Variants in ARHGEF7 observed in about 807,000 individuals in gnomAD.
ARHGEF7 encodes PAK-interacting exchange factor beta.
ARHGEF7 carries 33 observed loss-of-function variants against 109.8 expected under a neutral mutation model. The observed-to-expected ratio is 0.30, with a 90% CI of 0.23 to 0.40. The LOEUF is 0.40. ARHGEF7 is among the 10% of genes least tolerant of loss of function. The pLI is 1.00. For missense variants in ARHGEF7, 938 were observed against 1,098.5 expected (o/e 0.85, Z 2.07); for synonymous variants, 458 against 424.6 (o/e 1.08, Z -0.97).
chr13:111,155,163 C>G (rs372678952), intron 2 of ARHGEF7, among the ~76,000 whole-genome samples: 3 of 152,216 alleles, frequency 2.0e-5, no homozygotes, highest in African/African-American at 7.2e-5. Context: ...TGGTATCCAC[C>G]GGGATCCTGG....
chr13:111,129,938 A>G (rs2074654704), intron 1 of ARHGEF7, among the ~76,000 whole-genome samples: 1 of 152,222 alleles, frequency 6.6e-6, no homozygotes, highest in East Asian at 1.9e-4. Context: ...TGTTCATAAC[A>G]GCTGTATTTT....
chr13:111,170,415 G>C (rs972804396), intron 2 of ARHGEF7, among the ~76,000 whole-genome samples: 3 of 152,202 alleles, frequency 2.0e-5, no homozygotes, highest in African/African-American at 7.2e-5. Context: ...TCAATCTTCT[G>C]AGGAAGACCA....
At chr13:111,251,311 T>C (rs2089735901) in intron 8 of ARHGEF7, among the ~76,000 whole-genome samples, 2 of 152,186 alleles carry the variant, frequency 1.3e-5, no homozygotes, top group African/African-American at 4.8e-5. Flanking sequence ...TGGCTGTGGC[T>C]GGAGCCTGTG....
chr13:111,184,843 T>C (rs2079089364), intron 2 of ARHGEF7: 1 of 152,760 alleles, frequency 6.5e-6, no homozygotes, highest in Non-Finnish European at 1.5e-5. Context: ...GTTGTGTGTC[T>C]GGGAGCAGGT....
rs199873067 is a variant in ARHGEF7 at position 111,249,447 on chromosome 13, A to AG, written c.950+5157dup. 9.4e-3 allele frequency among the ~76,000 whole-genome samples: 1,435 copies of AG among 151,858 alleles called. 18 individuals carry two copies. The highest frequency in any genetic ancestry group is 0.032 in the African/African-American group (1,341 of 41,382). On this transcript the variant is annotated intron_variant, in intron 8 of 21. Coordinates refer to ENST00000646102, the MANE Select transcript of ARHGEF7 (RefSeq NM_001354046.2). Reference sequence around the variant, plus strand: ...ATTTAAAGGGGAAAGAACAAGCAGGAGGGGAAAAAAGGGAGGCTGGGGAGC... The same window carrying AG: ...ATTTAAAGGGGAAAGAACAAGCAGGAGGGGGAAAAAAGGGAGGCTGGGGAGC...
At chr13:111,247,106 G>A (rs1356815059) in intron 8 of ARHGEF7, among the ~76,000 whole-genome samples, 2 of 152,122 alleles carry the variant, frequency 1.3e-5, no homozygotes, top group Admixed American at 1.3e-4. Context: ...TGTACTAGAC[G>A]AAGTTTTCTT....
intron 1 of ARHGEF7, among the ~76,000 whole-genome samples, chr13:111,127,648 G>GAAAAAAAAAAAA (rs71206956): frequency 2.5e-5 from 1 of 40,042 alleles, no homozygotes; most frequent in Non-Finnish European, 5.0e-5. Flanking sequence ...CTCTGTTTCA[G>GAAAAAAAAAAAA]AAAAAAAAAA....
In ARHGEF7 at chr13:111,233,172, G is replaced by C. The variant is rs932541007; in HGVS notation, c.671-33G>C. The C allele has an allele frequency of 4.5e-6, 7 of 1,562,114 alleles. No homozygotes were observed. The African/African-American group carries it at 5.4e-5, about 12-fold the overall frequency. The stretch of plus-strand genomic sequence containing the variant: ...TGGAACTTTTGTCATCTTTAGTACT[G>C]ATCAGTAAAACTATGTTACATTTTC... On this transcript the variant is annotated intron_variant, in intron 5 of 21. Transcript: ENST00000646102.
At chr13:111,153,703 C>T (rs1456675130) in intron 1 of ARHGEF7, 6 of 1,315,378 alleles carry the variant, frequency 4.6e-6, no homozygotes, top group Non-Finnish European at 5.8e-6. Flanking sequence ...TTGGTGCAGC[C>T]CCGGAGGAAG....
In ARHGEF7 at chr13:111,279,032, G is replaced by C. The variant is rs910038381; in HGVS notation, c.1507-1240G>C. Among the ~76,000 whole-genome samples the C allele has an allele frequency of 3.3e-5, 5 of 152,178 alleles. No homozygotes were observed. In the East Asian group the frequency reaches 9.6e-4, roughly 29 times the overall value. The stretch of plus-strand genomic sequence containing the variant: ...TCTACCATTAGAACACTGGCTTTGG[G>C]GGATGCCAAAAAGTGTTCGGTCCAG... On this transcript the variant is annotated intron_variant, in intron 13 of 21. Transcript: ENST00000646102.
At chr13:111,153,455 C>G (rs1595086272) in intron 1 of ARHGEF7, among the ~76,000 whole-genome samples, 2 of 151,974 alleles carry the variant, frequency 1.3e-5, no homozygotes, top group Non-Finnish European at 2.9e-5. Flanking sequence ...GAAGACTGGA[C>G]AGGAGGAGGC....
intron 19 of ARHGEF7, among the ~76,000 whole-genome samples, chr13:111,299,671 A>G (rs958303166): frequency 6.6e-6 from 1 of 152,158 alleles, no homozygotes; most frequent in African/African-American, 2.4e-5. Context: ...CCGTCTTCAT[A>G]AAACATTCGT....
At chr13:111,197,677 C>T (rs1252247774) in intron 2 of ARHGEF7, among the ~76,000 whole-genome samples, 1 of 152,190 alleles carries the variant, frequency 6.6e-6, no homozygotes, top group Non-Finnish European at 1.5e-5. Flanking sequence ...ATCCTAGCTT[C>T]AGGAATAGCT....
rs2087292136 is a variant in ARHGEF7 at position 111,239,067 on chromosome 13, T to A, written c.760-4805T>A. Among the ~76,000 whole-genome samples, 1 of 151,944 alleles carries A rather than the reference T, an allele frequency of 6.6e-6. No homozygotes were observed. Among genetic ancestry groups the A allele is most frequent in the Non-Finnish European group, 1.5e-5 (1 of 67,978 alleles). On this transcript the variant is annotated intron_variant, in intron 6 of 21. Coordinates refer to ENST00000646102, the MANE Select transcript of ARHGEF7 (RefSeq NM_001354046.2). The surrounding 1 kb of genome is among the most constrained non-coding windows in gnomAD (Gnocchi z 4.3). ...GAAATGCCAGATGCTTATAAAACCA[T>A]CAGATCTTGTGAGAACTCACCATGA...
At chr13:111,294,402 T>A in intron 19 of ARHGEF7, 1 of 985,454 alleles carries the variant, frequency 1.0e-6, no homozygotes, top group Non-Finnish European at 1.2e-6. Context: ...TGCACTTGGA[T>A]TTTCCTTTAA....
intron 2 of ARHGEF7, among the ~76,000 whole-genome samples, chr13:111,177,059 C>G (rs1324422371): frequency 2.0e-5 from 3 of 152,214 alleles, no homozygotes; most frequent in African/African-American, 7.2e-5. Flanking sequence ...GCCCGGCTGA[C>G]TGACTTATTT....
At chr13:111,294,012 T>G (rs2093364767) in intron 19 of ARHGEF7, 1 of 985,216 alleles carries the variant, frequency 1.0e-6, no homozygotes, top group Non-Finnish European at 1.2e-6. Flanking sequence ...CAAATATTTG[T>G]TCCCAAGTAG....
intron 5 of ARHGEF7, among the ~76,000 whole-genome samples, chr13:111,219,998 A>C (rs2083621104): frequency 6.6e-6 from 1 of 152,174 alleles, no homozygotes. Flanking sequence ...GATAGACATC[A>C]CTGTTAGGAG....
intron 2 of ARHGEF7, among the ~76,000 whole-genome samples, chr13:111,173,935 A>G (rs1305997971): frequency 2.6e-5 from 4 of 152,176 alleles, no homozygotes; most frequent in Non-Finnish European, 2.9e-5. Context: ...CAACTTGTGT[A>G]GTGATTACTA....
Sources: gnomAD v4.1 joint callset for allele counts (sites outside exome capture counted in the v4.1 genomes callset) on GRCh38, gnomAD v4.1.1 for gene constraint, Gnocchi (gnomAD v3.1) non-coding constraint, MANE v1.5 for transcripts, NCBI Gene and HGNC (gene_info 2026-07-23, HGNC 2026-07-21) for gene names.